BRI3: variants seen among roughly 807,000 people sequenced by gnomAD.
The protein encoded by BRI3 is brain protein I3.
Under a neutral mutation model 12.8 loss-of-function variants are expected in BRI3, and 6 were observed. The ratio of observed to expected loss-of-function variants is 0.47; its 90% CI spans 0.26 to 0.93. The LOEUF (loss-of-function observed/expected upper bound fraction) is 0.93, where lower values mean the gene tolerates loss of function less well. Ranked by LOEUF, BRI3 falls within the 40% of genes least tolerant of loss-of-function variation. BRI3 has a pLI of 0.15. For missense variants in BRI3, 134 were observed against 171.1 expected, an observed-to-expected ratio of 0.78 and a Z score of 1.21; for synonymous variants, 91 against 76.1, an observed-to-expected ratio of 1.20 and a Z score of -1.02.
chr7:98,299,301 G>A (rs1300555523), intron 1 of BRI3, among the ~76,000 whole-genome samples: 2 of 151,838 alleles, frequency 1.3e-5, no homozygotes, highest in Non-Finnish European at 2.9e-5. Flanking sequence ...TTACAGGTGT[G>A]AGCCACCACG....
At chr7:98,284,448 G>T (rs1328576831) in intron 2 of BRI3, among the ~76,000 whole-genome samples, 1 of 152,176 alleles carries the variant, frequency 6.6e-6, no homozygotes, top group African/African-American at 2.4e-5. Context: ...GCTGGCGTGG[G>T]TGGGGTGTGT....
At chr7:98,293,007 TAAGTTA>T (rs1800034633), downstream of BRI3, 1 of 1,086,766 alleles carries the variant, frequency 9.2e-7, no homozygotes, top group African/African-American at 1.6e-5. Flanking sequence ...TTAAACATTT[TAAGTTA>T]AATTACATTT....
chr7:98,304,311 G>T (rs763264973), upstream of BRI3: 10 of 1,611,192 alleles, frequency 6.2e-6, no homozygotes, highest in African/African-American at 8.0e-5. Context: ...GTAGTCGGGT[G>T]GGGGGATGAC....
At position 98,281,977 on chromosome 7, in the gene BRI3, G is replaced by A. The variant is rs1799531990; in HGVS notation, c.142+40G>A. 7.8e-6 allele frequency: 10 copies of A among 1,286,458 alleles called. 1 individual carries two copies. The South Asian group carries it at 2.5e-4, about 32-fold the overall frequency. 79.7% of individuals were successfully genotyped at this position (1,286,458 alleles called of 1,614,324 possible). A position where few individuals can be genotyped will look rare whatever the true frequency, so the allele number is the denominator to read the frequency against. On this transcript the variant is annotated intron_variant, in intron 1 of 2. Transcript: ENST00000297290. ...AACTTTCCCCGCCGGCGGCTTCCGA[G>A]GTGGCAAGCCCGGTCGGGGGACGTG...
chr7:98,320,213 T>A, the BRI3 span: 2 of 1,596,518 alleles, frequency 1.3e-6, no homozygotes, highest in Non-Finnish European at 1.7e-6. Flanking sequence ...GTGTATTTTG[T>A]AAATAGAAAC....
chr7:98,306,907 TG>T (rs1800679068), intron 1 of BRI3: 1 of 173,810 alleles, frequency 5.8e-6, no homozygotes, highest in African/African-American at 2.4e-5. Context: ...AACATTAATT[TG>T]ATTTGGATTA....
the BRI3 span, among the ~76,000 whole-genome samples, chr7:98,322,382 G>A: frequency 1.3e-5 from 2 of 152,094 alleles, no homozygotes; most frequent in Non-Finnish European, 2.9e-5. Flanking sequence ...TCCTCGACAT[G>A]TCTCAAAGTG....
downstream of BRI3, among the ~76,000 whole-genome samples, chr7:98,311,236 T>C (rs890729339): frequency 4.6e-5 from 7 of 152,158 alleles, no homozygotes; most frequent in Non-Finnish European, 1.0e-4. Context: ...TTAGTTGGAA[T>C]GATTACAAAT....
At chr7:98,294,707 C>T (rs1012879035), downstream of BRI3, among the ~76,000 whole-genome samples, 2 of 152,202 alleles carry the variant, frequency 1.3e-5, no homozygotes, top group African/African-American at 4.8e-5. Flanking sequence ...TTTTTGGGAG[C>T]TGACTCCTGA....
the BRI3 span, among the ~76,000 whole-genome samples, chr7:98,321,565 G>A: frequency 6.6e-6 from 1 of 152,152 alleles, no homozygotes; most frequent in African/African-American, 2.4e-5. Context: ...TCTCTGCAGT[G>A]AGTGGCAGTG....
chr7:98,306,000 G>A (rs1238958215), upstream of BRI3, among the ~76,000 whole-genome samples: 1 of 152,198 alleles, frequency 6.6e-6, no homozygotes, highest in African/African-American at 2.4e-5. Flanking sequence ...ATGGGCAGAA[G>A]AGGGGTGCAA....
At position 98,291,400 on chromosome 7, in the gene BRI3, A is replaced by G; in HGVS notation, c.*157A>G. 1.4e-6 allele frequency: 2 copies of G among 1,459,472 alleles called. No individual in the cohort carries two copies. Among genetic ancestry groups the G allele is most frequent in the Non-Finnish European group, 1.8e-6 (2 of 1,105,950 alleles). 90.4% of individuals were successfully genotyped at this position (1,459,472 alleles called of 1,614,324 possible). A position where few individuals can be genotyped will look rare whatever the true frequency, so the allele number is the denominator to read the frequency against. ...AGCTGCGGTTTCCCGGAGCGTGGAG[A>G]GGCAGTGCTGCTGCTCCCGCCCGAG... On this transcript the variant is annotated 3_prime_UTR_variant, in exon 3 of 3. Transcript: ENST00000297290.
chr7:98,290,540 C>T (rs536507270), intron 2 of BRI3, among the ~76,000 whole-genome samples: 2 of 150,828 alleles, frequency 1.3e-5, no homozygotes, highest in East Asian at 4.0e-4. Context: ...GCTCTGTCGC[C>T]CAGCCTGGAG....
Position 98,282,361 on chromosome 7 carries a change from C to T in BRI3, c.153C>T (p.Thr51=), listed in dbSNP as rs147696417. 3.1e-6 allele frequency: 5 copies of T among 1,613,932 alleles called. No homozygotes were observed. Among genetic ancestry groups the T allele is most frequent in the Non-Finnish European group, 3.4e-6 (4 of 1,179,838 alleles). Residue 51 remains threonine (T), a synonymous_variant, in exon 2 of 3, where the codon ACC becomes ACT. Coordinates refer to ENST00000297290, the MANE Select transcript of BRI3 (RefSeq NM_015379.5). The part of the protein sequence containing the change: ...PYPYLVTGIP[T]HHPRVYNIHS... ...CTTTCCCGCCCACAGGGATACCCACCCACCATCCCAGGGTCTACAACATCC... is the reference window on the plus strand; with the variant it reads ...CTTTCCCGCCCACAGGGATACCCACTCACCATCCCAGGGTCTACAACATCC...
chr7:98,317,484 C>T, the BRI3 span: 4 of 1,272,392 alleles, frequency 3.1e-6, no homozygotes, highest in Non-Finnish European at 4.4e-6. Flanking sequence ...ACACCATCCT[C>T]ACACTGGCTG....
downstream of BRI3, among the ~76,000 whole-genome samples, chr7:98,312,963 A>C (rs1040384091): frequency 1.3e-5 from 2 of 152,006 alleles, no homozygotes; most frequent in Non-Finnish European, 2.9e-5. Context: ...TCTGAAGAGC[A>C]CTCTGGTTGG....
At chr7:98,297,327 A>C (rs1800234474), downstream of BRI3, among the ~76,000 whole-genome samples, 1 of 152,152 alleles carries the variant, frequency 6.6e-6, no homozygotes, top group African/African-American at 2.4e-5. Flanking sequence ...CCATGCGCCC[A>C]GGTTGGGGGA....
At chr7:98,295,071 G>GGGGGTCTTCCTGGGACCC (rs1800129480), downstream of BRI3, among the ~76,000 whole-genome samples, 1 of 152,206 alleles carries the variant, frequency 6.6e-6, no homozygotes, top group Admixed American at 6.5e-5. Flanking sequence ...CCCAGGAAGC[G>GGGGGTCTTCCTGGGACCC]TCCCAGCACC....
rs1227389334 is a variant in BRI3 at position 98,282,466 on chromosome 7, G to A, written c.245+13G>A. The stretch of plus-strand genomic sequence containing the variant: ...GTCCTGTCTGCAGGTGAGTGGGTCT[G>A]CAGCCTGGGGACTGGCCCTGGAAGC... On this transcript the variant is annotated intron_variant, in intron 2 of 2. Transcript: ENST00000297290. 1.9e-6 allele frequency: 3 copies of A among 1,607,258 alleles called. No homozygotes were observed. The highest frequency in any genetic ancestry group is 2.6e-6 in the Non-Finnish European group (3 of 1,174,068).
Sources: allele counts gnomAD v4.1 joint callset (sites outside exome capture counted in the v4.1 genomes callset), GRCh38; gene constraint gnomAD v4.1.1; transcripts MANE v1.5; gene names NCBI Gene and HGNC (gene_info 2026-07-23, HGNC 2026-07-21).